CHL1: variants seen among roughly 807,000 people sequenced by gnomAD.
CHL1 encodes the protein cell adhesion molecule L1 like.
CHL1 carries 96 observed loss-of-function variants against 141.9 expected under a neutral mutation model. The ratio of observed to expected loss-of-function variants is 0.68; its 90% CI spans 0.57 to 0.80. CHL1 has a LOEUF of 0.80. Ranked by LOEUF, CHL1 falls within the 30% of genes least tolerant of loss-of-function variation. The pLI is 0.00. For missense variants in CHL1, 1,820 were observed against 1,457.2 expected, an observed-to-expected ratio of 1.25 and a Z score of -4.05; for synonymous variants, 613 against 502.2, an observed-to-expected ratio of 1.22 and a Z score of -2.95.
chr3:294,503 C>T (rs1559212800), intron 2 of CHL1, among the ~76,000 whole-genome samples: 2 of 152,100 alleles, frequency 1.3e-5, no homozygotes, highest in South Asian at 2.1e-4. Flanking sequence ...AAAACGGTAA[C>T]CACAAACAGG....
chr3:385,640 C>A (rs1707603437), intron 19 of CHL1: 1 of 151,952 alleles, frequency 6.6e-6, no homozygotes, highest in African/African-American at 2.4e-5. Flanking sequence ...CCAGCCTGGA[C>A]AATATGGTGA....
At chr3:365,739 G>C (rs1559315210) in intron 14 of CHL1, among the ~76,000 whole-genome samples, 1 of 152,134 alleles carries the variant, frequency 6.6e-6, no homozygotes. Flanking sequence ...TAAACTATTA[G>C]TTGATATTTC....
chr3:349,228 G>T, intron 9 of CHL1, 131 bp from the exon 10 acceptor site: 1 of 721,392 alleles, frequency 1.4e-6, no homozygotes, highest in Non-Finnish European at 2.3e-6. Flanking sequence ...CCACTGGTAA[G>T]GATGACGTGA....
intron 10 of CHL1, among the ~76,000 whole-genome samples, chr3:352,588 T>G (rs1703362714): frequency 6.6e-6 from 1 of 152,134 alleles, no homozygotes; most frequent in African/African-American, 2.4e-5. Flanking sequence ...GAGGATGGTA[T>G]TTTTCCTCAG....
At chr3:333,899 A>G (rs555898104) in intron 5 of CHL1, among the ~76,000 whole-genome samples, 1 of 152,260 alleles carries the variant, frequency 6.6e-6, no homozygotes, top group South Asian at 2.1e-4. Context: ...TTCCTGGCCT[A>G]TTCCAGCCTA....
chr3:377,274 A>G (rs763101271), intron 15 of CHL1, among the ~76,000 whole-genome samples: 6 of 152,166 alleles, frequency 3.9e-5, no homozygotes, highest in African/African-American at 9.7e-5. Flanking sequence ...CAAATAAGTC[A>G]TATGCTTCAA....
At chr3:232,942 C>A (rs954711048) in intron 1 of CHL1, among the ~76,000 whole-genome samples, 3 of 152,010 alleles carry the variant, frequency 2.0e-5, no homozygotes, top group Non-Finnish European at 4.4e-5. Flanking sequence ...AAAATTTGTT[C>A]TCTAAGTTTA....
At chr3:203,202 G>A (rs1243767672) in intron 1 of CHL1, among the ~76,000 whole-genome samples, 1 of 152,208 alleles carries the variant, frequency 6.6e-6, no homozygotes, top group Non-Finnish European at 1.5e-5. Context: ...CCAAACCAAT[G>A]TCCCTTGGAC....
intron 1 of CHL1, among the ~76,000 whole-genome samples, chr3:222,606 GTAAA>G (rs371640909): frequency 2.1e-3 from 326 of 152,272 alleles, no homozygotes; most frequent in African/African-American, 7.3e-3. Context: ...AGATGGACTT[GTAAA>G]TGATTTGGAA....
At position 405,794 on chromosome 3, in the gene CHL1, G is replaced by T. The variant is rs1464119986; in HGVS notation, c.*83G>T. 20 of 965,518 alleles carry T rather than the reference G, an allele frequency of 2.1e-5. No homozygotes were observed. The highest frequency in any genetic ancestry group is 3.2e-5 in the Non-Finnish European group (20 of 624,216). 59.8% of individuals were successfully genotyped at this position (965,518 alleles called of 1,614,324 possible). ...CAAAGGAGCAAGAACTTTCATATAGGAATAGAAACATGCTGGCCGAAGATT... is the reference window on the plus strand; with the variant it reads ...CAAAGGAGCAAGAACTTTCATATAGTAATAGAAACATGCTGGCCGAAGATT... On this transcript the variant is annotated 3_prime_UTR_variant, in exon 28 of 28. Coordinates refer to ENST00000256509, the MANE Select transcript of CHL1 (RefSeq NM_006614.4).
intron 2 of CHL1, among the ~76,000 whole-genome samples, chr3:317,767 A>G (rs1043349201): frequency 2.6e-5 from 4 of 151,746 alleles, no homozygotes; most frequent in African/African-American, 9.7e-5. Flanking sequence ...ACTTTGTACA[A>G]ATACGTAGGA....
intron 2 of CHL1, among the ~76,000 whole-genome samples, chr3:273,376 T>G (rs569203622): frequency 6.6e-6 from 1 of 152,178 alleles, no homozygotes; most frequent in Non-Finnish European, 1.5e-5. Context: ...TCAATATGTT[T>G]TAGTTTAGCT....
In CHL1 at chr3:408,475, A is replaced by G. The variant is rs1274064690; in HGVS notation, c.*2764A>G. Reference sequence around the variant, plus strand: ...ACTCTCTCAACTCTAAAGTGCTAATAATAATCTCAGTTACCTTATCTTTGT... The same window carrying G: ...ACTCTCTCAACTCTAAAGTGCTAATGATAATCTCAGTTACCTTATCTTTGT... On this transcript the variant is annotated 3_prime_UTR_variant, in exon 28 of 28. Coordinates refer to ENST00000256509, the MANE Select transcript of CHL1 (RefSeq NM_006614.4). The G allele has an allele frequency of 1.3e-5, 2 of 152,096 alleles. No individual in the cohort carries two copies. Among genetic ancestry groups the G allele is most frequent in the African/African-American group, 2.4e-5 (1 of 41,436 alleles). The allele number at this position is 152,096 out of a possible 1,614,324, so 9.4% of individuals were successfully genotyped here.
chr3:223,089 C>T (rs1222801925), intron 1 of CHL1, among the ~76,000 whole-genome samples: 1 of 152,132 alleles, frequency 6.6e-6, no homozygotes, highest in African/African-American at 2.4e-5. Flanking sequence ...TTTGCAAAGT[C>T]CTATTTCCAA....
intron 6 of CHL1, among the ~76,000 whole-genome samples, chr3:341,543 C>T (rs775594084): frequency 6.6e-6 from 1 of 152,044 alleles, no homozygotes; most frequent in Admixed American, 6.6e-5. Context: ...TTTAAATAAA[C>T]GTGATTCTCA....
At chr3:249,766 T>A (rs1693512461) in intron 2 of CHL1, among the ~76,000 whole-genome samples, 1 of 152,148 alleles carries the variant, frequency 6.6e-6, no homozygotes, top group African/African-American at 2.4e-5. Context: ...GGTAACATAC[T>A]AATTGTTAAC....
At chr3:369,158 T>C (rs562237773) in intron 15 of CHL1, among the ~76,000 whole-genome samples, 88 of 152,298 alleles carry the variant, frequency 5.8e-4, no homozygotes, top group African/African-American at 2.1e-3. Context: ...TTGATGGGAA[T>C]AGCATTGAAT....
chr3:366,332 A>G (rs1300355721), intron 15 of CHL1, among the ~76,000 whole-genome samples: 1 of 151,952 alleles, frequency 6.6e-6, no homozygotes, highest in East Asian at 1.9e-4. Context: ...TTAGCCGGGC[A>G]TGATGGCACG....
rs570670773 is a variant in CHL1 at position 331,707 on chromosome 3, T to C, written c.385+3353T>C. On this transcript the variant is annotated intron_variant, in intron 5 of 27. Coordinates refer to ENST00000256509, the MANE Select transcript of CHL1 (RefSeq NM_006614.4). Reference sequence around the variant, plus strand: ...AAAAATTATTGATAATGCATATAACTAAAAATGGTATGTATTCATAAATAA... The same window carrying C: ...AAAAATTATTGATAATGCATATAACCAAAAATGGTATGTATTCATAAATAA... Among the ~76,000 whole-genome samples the C allele has an allele frequency of 3.2e-4, 49 of 152,238 alleles. No homozygotes were observed. In the South Asian group the frequency reaches 8.7e-3, roughly 27 times the overall value.
Sources: gnomAD v4.1 joint callset for allele counts (sites outside exome capture counted in the v4.1 genomes callset) on GRCh38, gnomAD v4.1.1 for gene constraint, MANE v1.5 for transcripts, NCBI Gene and HGNC (gene_info 2026-07-23, HGNC 2026-07-21) for gene names.